Variants in TLE4 observed in about 807,000 individuals in gnomAD.
TLE4 encodes transducin-like enhancer protein 4.
TLE4 carries 8 observed loss-of-function variants against 92.8 expected under a neutral mutation model. The ratio of observed to expected loss-of-function variants is 0.09; its 90% CI spans 0.05 to 0.16. TLE4 has a LOEUF of 0.16. Among genes scored for constraint, TLE4 ranks in the 10% least tolerant of loss-of-function variants. TLE4 has a pLI of 1.00. For missense variants in TLE4, 675 were observed against 997.6 expected (o/e 0.68, Z 4.36); for synonymous variants, 371 against 374.1 (o/e 0.99, Z 0.10).
At chr9:79,693,547 A>T in intron 8 of TLE4, 1 of 417,076 alleles carries the variant, frequency 2.4e-6, no homozygotes, top group South Asian at 1.8e-5. Context: ...GACTTACCAG[A>T]TAGCAGACTG....
At chr9:79,679,754 A>G (rs1392420486) in intron 8 of TLE4, among the ~76,000 whole-genome samples, 3 of 152,066 alleles carry the variant, frequency 2.0e-5, no homozygotes, top group Non-Finnish European at 4.4e-5. Context: ...TTTTAGGTCT[A>G]ACATGTAAGT....
At chr9:79,682,251 A>G (rs1375998168) in intron 8 of TLE4, among the ~76,000 whole-genome samples, 1 of 152,178 alleles carries the variant, frequency 6.6e-6, no homozygotes, top group Non-Finnish European at 1.5e-5. Context: ...CATCTCATTC[A>G]TAACAAAACT....
intron 8 of TLE4, among the ~76,000 whole-genome samples, chr9:79,678,562 G>A (rs11138321): frequency 0.086 from 13,048 of 151,572 alleles, 598 homozygotes; most frequent in Middle Eastern, 0.1. Flanking sequence ...TCACCTGAAC[G>A]TTGCTTTAGG....
intron 5 of TLE4, among the ~76,000 whole-genome samples, chr9:79,614,601 A>G (rs2049077485): frequency 6.6e-6 from 1 of 152,128 alleles, no homozygotes; most frequent in Non-Finnish European, 1.5e-5. Flanking sequence ...TGTCATACTT[A>G]ACTGTTGTCA....
chr9:79,628,007 C>T (rs1366775318), intron 6 of TLE4, among the ~76,000 whole-genome samples: 1 of 151,808 alleles, frequency 6.6e-6, no homozygotes, highest in African/African-American at 2.4e-5. Flanking sequence ...GCAATAGTGG[C>T]ATTAATGTTG....
chr9:79,658,904 T>C (rs1410089594), intron 8 of TLE4, among the ~76,000 whole-genome samples: 1 of 152,208 alleles, frequency 6.6e-6, no homozygotes. Context: ...TCTTCTGTTT[T>C]CCCCTCAGTA....
At chr9:79,573,422 CG>C in intron 1 of TLE4, 2 of 1,192,344 alleles carry the variant, frequency 1.7e-6, no homozygotes, top group Non-Finnish European at 2.1e-6. Context: ...TGTCTTTGGC[CG>C]GGGAGGGGAG....
intron 6 of TLE4, among the ~76,000 whole-genome samples, chr9:79,638,995 G>A (rs2056584549): frequency 6.6e-6 from 1 of 152,078 alleles, no homozygotes; most frequent in South Asian, 2.1e-4. Flanking sequence ...GTGGGCAAGT[G>A]ACCCTATCCA....
chr9:79,680,133 GT>G (rs1157002173), intron 8 of TLE4, among the ~76,000 whole-genome samples: 1 of 152,062 alleles, frequency 6.6e-6, no homozygotes, highest in Admixed American at 6.5e-5. Context: ...CTTTAAAGTA[GT>G]TTTTTCCAAT....
chr9:79,572,775 A>T lies in TLE4; in HGVS notation c.-16A>T, dbSNP rs772004522. The T allele has an allele frequency of 6.3e-7, 1 of 1,598,858 alleles. No individual in the cohort carries two copies. Among genetic ancestry groups the T allele is most frequent in the South Asian group, 1.1e-5 (1 of 89,356 alleles). On this transcript the variant is annotated 5_prime_UTR_variant, in exon 1 of 20. Transcript: ENST00000376552. ...CCGCGCGCCTCTGCCGAGCGCAGCC[A>T]ACTAAATCGGCTTGGATGATTCGCG... is the stretch of plus-strand genomic sequence containing the variant.
chr9:79,589,308 C>A lies in TLE4; in HGVS notation c.252+13131C>A, dbSNP rs1262648070. Among the ~76,000 whole-genome samples, 3 of 152,276 alleles carry A rather than the reference C, an allele frequency of 2.0e-5. No homozygotes were observed. The East Asian group carries it at 5.8e-4, about 29-fold the overall frequency. Reference sequence around the variant, plus strand: ...GAGAGAATCCTTTAAACGTACTTAACCTTTTCAGGTTTTTTCCTCCCTTTC... The same window carrying A: ...GAGAGAATCCTTTAAACGTACTTAAACTTTTCAGGTTTTTTCCTCCCTTTC... On this transcript the variant is annotated intron_variant, in intron 4 of 19. Coordinates refer to ENST00000376552, the MANE Select transcript of TLE4 (RefSeq NM_007005.6).
At chr9:79,576,316 T>G (rs1159130941) in intron 4 of TLE4, 139 bp downstream of exon 4, 1 of 444,154 alleles carries the variant, frequency 2.3e-6, no homozygotes, top group Non-Finnish European at 4.0e-6. Flanking sequence ...AAGAAAATGC[T>G]GTTTTTTCAT....
chr9:79,694,375 C>T (rs1245813691), intron 8 of TLE4, among the ~76,000 whole-genome samples: 1 of 152,150 alleles, frequency 6.6e-6, no homozygotes, highest in Non-Finnish European at 1.5e-5. Context: ...TAGTGGAGTG[C>T]TCTTGTCTGG....
chr9:79,723,925 C>T (rs2076037695), intron 19 of TLE4, among the ~76,000 whole-genome samples: 2 of 152,162 alleles, frequency 1.3e-5, no homozygotes, highest in South Asian at 4.1e-4. Context: ...TTATAGTAAG[C>T]ATAAGTACTA....
chr9:79,724,780 G>A (rs1352960907), intron 19 of TLE4, among the ~76,000 whole-genome samples: 1 of 141,470 alleles, frequency 7.1e-6, no homozygotes, highest in Non-Finnish European at 1.5e-5. Context: ...TCAGAAGGTC[G>A]AGGCTACAGT....
Position 79,573,258 on chromosome 9 carries a change from G to A in TLE4, c.45+423G>A, listed in dbSNP as rs553706019. 1.3e-4 allele frequency: 129 copies of A among 1,019,766 alleles called. 2 individuals carry two copies. The South Asian group carries it at 4.4e-3, about 35-fold the overall frequency. 63.2% of individuals were successfully genotyped at this position (1,019,766 alleles called of 1,614,324 possible). A position where few individuals can be genotyped will look rare whatever the true frequency, so the allele number is the denominator to read the frequency against. The stretch of plus-strand genomic sequence containing the variant: ...CCCTCGCGCCGCGGGCCGCCGGGGC[G>A]AGCGGGCGAACGAACGAGCCGAGAG... On this transcript the variant is annotated intron_variant, in intron 1 of 19. Transcript: ENST00000376552.
rs79679669 is a variant in TLE4 at position 79,621,084 on chromosome 9, A to G, written c.316-6290A>G. On this transcript the variant is annotated intron_variant, in intron 5 of 19. Coordinates refer to ENST00000376552, the MANE Select transcript of TLE4 (RefSeq NM_007005.6). ...GAGTTGGGACAAATATGCAAACTGT[A>G]TCAGATTAATGTTTCTTTGAATACT... is the stretch of plus-strand genomic sequence containing the variant. 3.9e-5 allele frequency among the ~76,000 whole-genome samples: 6 copies of G among 152,328 alleles called. No homozygotes were observed. The East Asian group carries it at 9.6e-4, about 24-fold the overall frequency.
intron 4 of TLE4, among the ~76,000 whole-genome samples, chr9:79,587,101 C>T (rs1436641928): frequency 6.6e-6 from 1 of 152,158 alleles, no homozygotes; most frequent in Admixed American, 6.5e-5. Context: ...ATGTTTTGTT[C>T]ACTGCTGGTA....
At chr9:79,662,751 C>T (rs1447366981) in intron 8 of TLE4, among the ~76,000 whole-genome samples, 2 of 152,004 alleles carry the variant, frequency 1.3e-5, no homozygotes, top group African/African-American at 2.4e-5. Context: ...TCAGGAAACC[C>T]GTGCCACAAA....
Sources: gnomAD v4.1 joint callset for allele counts (sites outside exome capture counted in the v4.1 genomes callset) on GRCh38, gnomAD v4.1.1 for gene constraint, MANE v1.5 for transcripts, NCBI Gene and HGNC (gene_info 2026-07-23, HGNC 2026-07-21) for gene names.